The following VWC2L variants were observed in gnomAD, a reference collection of about 807,000 sequenced individuals.
The protein encoded by VWC2L is von Willebrand factor C domain containing 2 like.
Under a neutral mutation model 21.6 loss-of-function variants are expected in VWC2L, and 10 were observed. The ratio of observed to expected loss-of-function variants is 0.46; its 90% CI spans 0.29 to 0.78. The LOEUF (loss-of-function observed/expected upper bound fraction) is 0.78, where lower values mean the gene tolerates loss of function less well. VWC2L is among the 30% of genes least tolerant of loss of function. The pLI is 0.10. For missense variants in VWC2L, 209 were observed against 277.1 expected (o/e 0.75, Z 1.74); for synonymous variants, 96 against 94.3 (o/e 1.02, Z -0.10).
At chr2:214,504,939 T>C (rs1688946879) in intron 3 of VWC2L, among the ~76,000 whole-genome samples, 1 of 152,154 alleles carries the variant, frequency 6.6e-6, no homozygotes, top group Admixed American at 6.5e-5. Flanking sequence ...ATTGCCTTGC[T>C]CTCCTAAAAT....
intron 3 of VWC2L, among the ~76,000 whole-genome samples, chr2:214,547,282 C>T (rs997682570): frequency 6.6e-6 from 1 of 152,060 alleles, no homozygotes; most frequent in Non-Finnish European, 1.5e-5. Context: ...GAGTTTACAT[C>T]CTCCTGGAAT....
intron 3 of VWC2L, among the ~76,000 whole-genome samples, chr2:214,460,007 G>A (rs1294063434): frequency 7.0e-6 from 1 of 143,230 alleles, no homozygotes; most frequent in Admixed American, 7.4e-5. Flanking sequence ...TCCCAGGTTC[G>A]AGTAACTCTC....
At chr2:214,470,223 T>G (rs1011454255) in intron 3 of VWC2L, among the ~76,000 whole-genome samples, 1 of 151,362 alleles carries the variant, frequency 6.6e-6, no homozygotes, top group Non-Finnish European at 1.5e-5. Flanking sequence ...TTTTTTTTTT[T>G]GCACTTGAAG....
chr2:214,569,189 G>A (rs1690112612), intron 3 of VWC2L, among the ~76,000 whole-genome samples: 1 of 152,162 alleles, frequency 6.6e-6, no homozygotes. Flanking sequence ...GAGGGCTCTA[G>A]TCTTTGTCTG....
intron 3 of VWC2L, among the ~76,000 whole-genome samples, chr2:214,514,662 C>T (rs539312617): frequency 6.6e-5 from 10 of 152,284 alleles, no homozygotes; most frequent in East Asian, 1.9e-4. Context: ...GCCTATAGCA[C>T]TTCACCTAGA....
chr2:214,477,244 T>C (rs533302133), intron 3 of VWC2L, among the ~76,000 whole-genome samples: 2 of 152,198 alleles, frequency 1.3e-5, no homozygotes, highest in Admixed American at 1.3e-4. Context: ...GTTCTTACTA[T>C]CCTATAGCAA....
chr2:214,484,244 G>A (rs749506193), intron 3 of VWC2L, among the ~76,000 whole-genome samples: 2 of 152,128 alleles, frequency 1.3e-5, no homozygotes, highest in Non-Finnish European at 2.9e-5. Context: ...ACATTTTGAG[G>A]TGCTGAATGG....
chr2:214,567,571 C>G (rs867311277), intron 3 of VWC2L, among the ~76,000 whole-genome samples: 5 of 141,378 alleles, frequency 3.5e-5, no homozygotes, highest in African/African-American at 1.1e-4. Flanking sequence ...CACACACACA[C>G]ACACACACAC....
intron 3 of VWC2L, among the ~76,000 whole-genome samples, chr2:214,564,893 T>G (rs930713547): frequency 6.6e-6 from 1 of 152,180 alleles, no homozygotes; most frequent in Non-Finnish European, 1.5e-5. Context: ...GTAGCCCCTT[T>G]CCCTAGCAAG....
intron 3 of VWC2L, among the ~76,000 whole-genome samples, chr2:214,531,401 G>A (rs1191747964): frequency 1.3e-5 from 2 of 152,110 alleles, no homozygotes; most frequent in African/African-American, 4.8e-5. Flanking sequence ...TAGTACAGGA[G>A]TCCTTCTTCC....
chr2:214,426,458 C>A (rs546667451), intron 2 of VWC2L, among the ~76,000 whole-genome samples: 12 of 152,118 alleles, frequency 7.9e-5, no homozygotes, highest in Admixed American at 1.3e-4. Context: ...AGCCACCAAA[C>A]GGCTTAGATC....
chr2:214,439,724 A>G (rs1239031444), intron 3 of VWC2L, among the ~76,000 whole-genome samples: 3 of 151,902 alleles, frequency 2.0e-5, no homozygotes, highest in Non-Finnish European at 2.9e-5. Context: ...TATTAAAGAT[A>G]TAAACTTTTG....
intron 3 of VWC2L, among the ~76,000 whole-genome samples, chr2:214,474,105 A>C (rs1259700155): frequency 6.6e-6 from 1 of 152,130 alleles, no homozygotes; most frequent in Non-Finnish European, 1.5e-5. Flanking sequence ...AAATTATTGC[A>C]CCCTGATTTC....
chr2:214,517,187 C>T (rs957226784), intron 3 of VWC2L, among the ~76,000 whole-genome samples: 2 of 152,234 alleles, frequency 1.3e-5, no homozygotes, highest in African/African-American at 4.8e-5. Context: ...AGTTAATTAA[C>T]ACCTCCTCCT....
At chr2:214,456,615 C>T (rs1454294595) in intron 3 of VWC2L, among the ~76,000 whole-genome samples, 1 of 151,812 alleles carries the variant, frequency 6.6e-6, no homozygotes, top group Non-Finnish European at 1.5e-5. Flanking sequence ...ATTTTTGTTG[C>T]CTGTACTTTT....
At chr2:214,519,382 A>C (rs1366228665) in intron 3 of VWC2L, among the ~76,000 whole-genome samples, 1 of 152,232 alleles carries the variant, frequency 6.6e-6, no homozygotes, top group Non-Finnish European at 1.5e-5. Context: ...CAGGGCAAGC[A>C]GTCCACTTAT....
At chr2:214,483,785 T>A (rs1688638946) in intron 3 of VWC2L, among the ~76,000 whole-genome samples, 1 of 152,120 alleles carries the variant, frequency 6.6e-6, no homozygotes, top group Non-Finnish European at 1.5e-5. Flanking sequence ...TACTTGGGCT[T>A]TTGATCGAGG....
chr2:214,452,288 G>A (rs1019072703), intron 3 of VWC2L, among the ~76,000 whole-genome samples: 11 of 152,080 alleles, frequency 7.2e-5, no homozygotes, highest in African/African-American at 2.7e-4. Context: ...CCCAGTAGCT[G>A]GGACTACAGA....
intron 3 of VWC2L, among the ~76,000 whole-genome samples, chr2:214,553,991 T>G (rs1689836158): frequency 6.6e-6 from 1 of 152,150 alleles, no homozygotes; most frequent in Non-Finnish European, 1.5e-5. Flanking sequence ...AGATCCCAGG[T>G]ACATAGAATT....
Sources: gnomAD v4.1 joint callset for allele counts (sites outside exome capture counted in the v4.1 genomes callset) on GRCh38, gnomAD v4.1.1 for gene constraint, MANE v1.5 for transcripts, NCBI Gene and HGNC (gene_info 2026-07-23, HGNC 2026-07-21) for gene names.